ASZ1: variants seen among roughly 807,000 people sequenced by gnomAD.
The protein encoded by ASZ1 is ankyrin repeat, SAM and basic leucine zipper domain containing 1.
In ASZ1, 67 loss-of-function variants were observed where a neutral mutation model predicts 61.8. The ratio of observed to expected loss-of-function variants is 1.08; its 90% confidence interval spans 0.89 to 1.33. The LOEUF is 1.33. ASZ1 is among the 40% of genes most tolerant of loss of function. ASZ1 has a pLI of 0.00. For missense variants in ASZ1, 577 were observed against 554.5 expected (o/e 1.04, Z -0.41); for synonymous variants, 193 against 192.7 (o/e 1.00, Z -0.01).
Position 117,427,434 on chromosome 7 carries a change from C to A in ASZ1, c.27G>T (p.Leu9=), listed in dbSNP as rs202197179. 6.2e-7 allele frequency: 1 copy of A among 1,614,046 alleles called. No homozygotes were observed. Among genetic ancestry groups the A allele is most frequent in the Non-Finnish European group, 8.5e-7 (1 of 1,179,982 alleles). Residue 9 remains leucine, a synonymous_variant, in exon 1 of 13, where the codon CTG becomes CTT. Transcript: ENST00000284629. The part of the protein sequence containing the change: MAASALRG[L]PVAGGGESSE... ...TACTCTCGCCTCCGCCAGCCACTGG[C>A]AGGCCTCGCAGCGCGCTCGCCGCCA...
At chr7:117,369,567 T>A (rs1031351309) in intron 10 of ASZ1, among the ~76,000 whole-genome samples, 2 of 152,148 alleles carry the variant, frequency 1.3e-5, no homozygotes, top group East Asian at 3.8e-4. Context: ...CAAGAGATGA[T>A]GAAGGAAAAC....
intron 4 of ASZ1, among the ~76,000 whole-genome samples, chr7:117,411,406 A>C (rs1796886914): frequency 1.3e-5 from 2 of 151,840 alleles, no homozygotes; most frequent in African/African-American, 2.4e-5. Context: ...AAACTAATTA[A>C]AAATCAGAAA....
chr7:117,406,675 C>A (rs1190748899), intron 4 of ASZ1, among the ~76,000 whole-genome samples: 1 of 151,964 alleles, frequency 6.6e-6, no homozygotes, highest in Non-Finnish European at 1.5e-5. Context: ...ATCTCTTGAA[C>A]CCGGGAGGCG....
intron 10 of ASZ1, among the ~76,000 whole-genome samples, chr7:117,372,534 G>T (rs1372076989): frequency 6.6e-6 from 1 of 152,136 alleles, no homozygotes; most frequent in African/African-American, 2.4e-5. Flanking sequence ...ATAAGTGACT[G>T]ACATTTAGAA....
intron 10 of ASZ1, among the ~76,000 whole-genome samples, chr7:117,369,831 G>A (rs1306763662): frequency 4.6e-5 from 7 of 152,180 alleles, no homozygotes; most frequent in African/African-American, 2.4e-5. Flanking sequence ...AAGAACACAG[G>A]CTCTTGAGTC....
intron 4 of ASZ1, among the ~76,000 whole-genome samples, chr7:117,389,927 C>T (rs568073116): frequency 2.0e-4 from 31 of 152,312 alleles, no homozygotes; most frequent in African/African-American, 6.7e-4. Context: ...TCTTTATATG[C>T]ATGTGTACCC....
At chr7:117,364,419 CAGAG>C (rs35394991) in intron 12 of ASZ1, among the ~76,000 whole-genome samples, 1,616 of 144,710 alleles carry the variant, frequency 0.011, 41 homozygotes, top group Admixed American at 0.075. Context: ...GACAGAGAGA[CAGAG>C]AGAGAGAGAG....
intron 9 of ASZ1, among the ~76,000 whole-genome samples, chr7:117,380,421 T>C (rs1584722172): frequency 6.6e-6 from 1 of 151,980 alleles, no homozygotes; most frequent in African/African-American, 2.4e-5. Context: ...TATCTTTGTT[T>C]GTATTCTACC....
At chr7:117,418,038 T>C (rs548278899) in intron 4 of ASZ1, among the ~76,000 whole-genome samples, 1 of 152,332 alleles carries the variant, frequency 6.6e-6, no homozygotes, top group East Asian at 1.9e-4. Flanking sequence ...ATCTTCTAGT[T>C]CTTGAGGAGA....
intron 4 of ASZ1, among the ~76,000 whole-genome samples, chr7:117,415,517 A>G (rs1796974059): frequency 6.6e-6 from 1 of 152,188 alleles, no homozygotes; most frequent in Admixed American, 6.5e-5. Context: ...TTATTACAGT[A>G]TATTGTTATA....
At chr7:117,403,332 G>C (rs77383877) in intron 4 of ASZ1, among the ~76,000 whole-genome samples, 3,194 of 152,188 alleles carry the variant, frequency 0.021, 112 homozygotes, top group African/African-American at 0.073. Flanking sequence ...GTGCACTACT[G>C]GCCTTATAAT....
At position 117,402,355 on chromosome 7, in the gene ASZ1, G is replaced by A. The variant is rs181757688; in HGVS notation, c.441-16546C>T. On this transcript the variant is annotated intron_variant, in intron 4 of 12. Coordinates refer to ENST00000284629, the MANE Select transcript of ASZ1 (RefSeq NM_130768.3). ...GTATCCTTTAACCAAACTGCTATGG[G>A]ATACTGAGTGCATACCAGCACTGGG... is the stretch of plus-strand genomic sequence containing the variant. Among the ~76,000 whole-genome samples, 322 of 152,256 alleles carry A rather than the reference G, an allele frequency of 2.1e-3. 2 individuals are homozygous for A. The highest frequency in any genetic ancestry group is 7.4e-3 in the African/African-American group (307 of 41,556).
Position 117,383,058 on chromosome 7 carries a change from T to C in ASZ1, c.740A>G (p.Gln247Arg). The C allele has an allele frequency of 6.3e-7, 1 of 1,585,950 alleles. No homozygotes were observed. The highest frequency in any genetic ancestry group is 8.6e-7 in the Non-Finnish European group (1 of 1,168,498). The change falls in exon 7 of 13, where the codon CAG (glutamine) becomes CGG (arginine). Residue 247 changes from glutamine (Q) to arginine (R), a missense_variant. Coordinates refer to ENST00000284629, the MANE Select transcript of ASZ1 (RefSeq NM_130768.3). ...TLNPLEGKLQQLTKEDTICKI... is the reference protein window; with the variant it reads ...TLNPLEGKLQRLTKEDTICKI... ...ACAAATAGTGTCTTCTTTAGTTAGC[T>C]GTTGAAGTTTTCCTTCCAATGGATT...
chr7:117,381,090 C>A, intron 8 of ASZ1, 23 bp from the exon 9 acceptor site: 1 of 1,522,164 alleles, frequency 6.6e-7, no homozygotes, highest in Non-Finnish European at 8.9e-7. Context: ...AAAAAAAGGC[C>A]ACCTTTCCAT....
chr7:117,412,977 G>C (rs1487188633), intron 4 of ASZ1, among the ~76,000 whole-genome samples: 1 of 151,674 alleles, frequency 6.6e-6, no homozygotes, highest in Non-Finnish European at 1.5e-5. Flanking sequence ...TTGTTTTTCA[G>C]ACCTACAGGT....
intron 4 of ASZ1, among the ~76,000 whole-genome samples, chr7:117,396,705 A>G (rs1796581578): frequency 1.3e-5 from 2 of 152,186 alleles, no homozygotes; most frequent in Non-Finnish European, 2.9e-5. Flanking sequence ...ATCCATGTTC[A>G]TAACTAAGAT....
At chr7:117,375,939 A>G (rs1379234803) in intron 10 of ASZ1, among the ~76,000 whole-genome samples, 2 of 152,086 alleles carry the variant, frequency 1.3e-5, no homozygotes, top group African/African-American at 4.8e-5. Flanking sequence ...AATAAATTCA[A>G]AGTAAGCAGA....
intron 4 of ASZ1, among the ~76,000 whole-genome samples, chr7:117,398,533 G>A (rs979576176): frequency 2.0e-5 from 3 of 152,180 alleles, no homozygotes; most frequent in Non-Finnish European, 2.9e-5. Flanking sequence ...ATACATACTG[G>A]CAGGTATAGT....
At chr7:117,414,840 C>T (rs185364216) in intron 4 of ASZ1, among the ~76,000 whole-genome samples, 110 of 152,200 alleles carry the variant, frequency 7.2e-4, no homozygotes, top group African/African-American at 2.3e-3. Flanking sequence ...GCATAGTATT[C>T]CATGGTGTAT....
Sources: allele counts gnomAD v4.1 joint callset (sites outside exome capture counted in the v4.1 genomes callset), GRCh38; gene constraint gnomAD v4.1.1; transcripts MANE v1.5; gene names NCBI Gene and HGNC (gene_info 2026-07-23, HGNC 2026-07-21).